The following NPAS3 variants were observed in gnomAD, a reference collection of about 807,000 sequenced individuals.
NPAS3 encodes neuronal PAS domain protein 3.
A neutral mutation model predicts 73.1 loss-of-function variants in NPAS3; 14 were observed. That is an observed-to-expected ratio of 0.19 (90% CI 0.13 to 0.30). The LOEUF (loss-of-function observed/expected upper bound fraction) is 0.30. Ranked by LOEUF, NPAS3 falls within the 10% of genes least tolerant of loss-of-function variation. The pLI, the probability that NPAS3 is intolerant of heterozygous loss-of-function variation, is 1.00. For synonymous variants in NPAS3, 620 were observed against 541.5 expected (o/e 1.14, Z -2.01); for missense variants, 1,096 against 1,250.0 (o/e 0.88, Z 1.86).
intron 4 of NPAS3, among the ~76,000 whole-genome samples, chr14:33,537,093 T>G (rs2054290394): frequency 6.6e-6 from 1 of 152,190 alleles, no homozygotes; most frequent in African/African-American, 2.4e-5. Flanking sequence ...CTGACAGGAA[T>G]GGTAAGTCAA....
chr14:33,167,906 C>T (rs1008907302), intron 2 of NPAS3, among the ~76,000 whole-genome samples: 1 of 152,206 alleles, frequency 6.6e-6, no homozygotes, highest in South Asian at 2.1e-4. Context: ...GTGAATGAGG[C>T]AGCTTTAGGA....
chr14:33,568,506 A>G (rs143340101), intron 5 of NPAS3, among the ~76,000 whole-genome samples: 452 of 152,306 alleles, frequency 3.0e-3, no homozygotes, highest in Non-Finnish European at 5.5e-3. Flanking sequence ...CCTCTACACT[A>G]AAGCCAGCTA....
intron 1 of NPAS3, among the ~76,000 whole-genome samples, chr14:32,941,309 CTCCT>C (rs1226851739): frequency 0.028 from 195 of 6,870 alleles, 4 homozygotes; most frequent in East Asian, 0.095. Flanking sequence ...CCCTCCCTCC[CTCCT>C]TCCTTCCTTC....
At chr14:33,695,107 C>T (rs1191046370) in intron 6 of NPAS3, among the ~76,000 whole-genome samples, 4 of 152,176 alleles carry the variant, frequency 2.6e-5, no homozygotes, top group Non-Finnish European at 4.4e-5. Flanking sequence ...GGTTCTACTG[C>T]GATGACCTCA....
At chr14:32,965,627 C>G (rs1037944260) in intron 1 of NPAS3, among the ~76,000 whole-genome samples, 1 of 152,124 alleles carries the variant, frequency 6.6e-6, no homozygotes, top group African/African-American at 2.4e-5. Context: ...AAATTGAAAC[C>G]TTTCTCTCTA....
At chr14:33,177,356 A>G (rs914743812) in intron 2 of NPAS3, among the ~76,000 whole-genome samples, 2 of 152,074 alleles carry the variant, frequency 1.3e-5, no homozygotes, top group African/African-American at 4.8e-5. Context: ...TCGGCCTCCC[A>G]AAGAGCTGGG....
At chr14:32,989,569 C>T (rs1441328964) in intron 1 of NPAS3, among the ~76,000 whole-genome samples, 1 of 141,848 alleles carries the variant, frequency 7.0e-6, no homozygotes, top group East Asian at 1.9e-4. Context: ...GCGTGAACCC[C>T]AGGGGGCGGA....
intron 4 of NPAS3, among the ~76,000 whole-genome samples, chr14:33,440,575 T>C (rs2049200779): frequency 6.6e-6 from 1 of 152,202 alleles, no homozygotes; most frequent in Non-Finnish European, 1.5e-5. Flanking sequence ...GTGATTCTTT[T>C]CTTACTCCAA....
At chr14:33,181,490 G>C (rs954608127) in intron 2 of NPAS3, among the ~76,000 whole-genome samples, 1 of 152,146 alleles carries the variant, frequency 6.6e-6, no homozygotes, top group Non-Finnish European at 1.5e-5. Flanking sequence ...ATAATTTACT[G>C]TCTTTTGGTT....
chr14:33,481,318 A>G (rs1027694764), intron 4 of NPAS3, among the ~76,000 whole-genome samples: 5 of 152,244 alleles, frequency 3.3e-5, no homozygotes, highest in South Asian at 2.1e-4. Context: ...GGAGTCTATC[A>G]GTGCTGCTCA....
intron 1 of NPAS3, among the ~76,000 whole-genome samples, chr14:32,967,774 G>C (rs905511461): frequency 6.6e-6 from 1 of 151,228 alleles, no homozygotes; most frequent in Non-Finnish European, 1.5e-5. Flanking sequence ...CAGCATGTGG[G>C]GGGGGGTCCT....
At chr14:33,463,830 T>G (rs1461711509) in intron 4 of NPAS3, among the ~76,000 whole-genome samples, 2 of 152,210 alleles carry the variant, frequency 1.3e-5, no homozygotes, top group African/African-American at 4.8e-5. Context: ...GCCACAGTGA[T>G]GTGAGGTGAC....
rs572361659 is a variant in NPAS3, at chr14:33,780,423, A to C, written c.1153+1851A>C. Among the ~76,000 whole-genome samples, 3 of 152,360 alleles carry C rather than the reference A, an allele frequency of 2.0e-5. No homozygotes were observed. In the East Asian group the frequency reaches 5.8e-4, roughly 29 times the overall value. On this transcript the variant is annotated intron_variant, in intron 9 of 11. Transcript: ENST00000356141. ...ATATTTTTGGAATAATACAGGCTAGAGATCCAGACTTCACAAATGAATATA... is the reference window on the plus strand; with the variant it reads ...ATATTTTTGGAATAATACAGGCTAGCGATCCAGACTTCACAAATGAATATA...
At chr14:33,399,544 A>G (rs906113101) in intron 4 of NPAS3, among the ~76,000 whole-genome samples, 1 of 152,114 alleles carries the variant, frequency 6.6e-6, no homozygotes, top group African/African-American at 2.4e-5. Context: ...TTTCCTGTGG[A>G]TAGAAGACCA....
At chr14:33,643,483 G>C (rs1160979358) in intron 5 of NPAS3, among the ~76,000 whole-genome samples, 1 of 151,402 alleles carries the variant, frequency 6.6e-6, no homozygotes, top group South Asian at 2.1e-4. Context: ...ATTCGGATGT[G>C]TCAAAAAGCA....
chr14:33,367,391 T>C (rs2045892844), intron 4 of NPAS3, 123 bp downstream of exon 4: 1 of 548,116 alleles, frequency 1.8e-6, no homozygotes, highest in East Asian at 3.1e-5. Flanking sequence ...GATTTTATCT[T>C]GAAATTCCGA....
chr14:33,468,162 C>G (rs1166152398), intron 4 of NPAS3, among the ~76,000 whole-genome samples: 1 of 152,170 alleles, frequency 6.6e-6, no homozygotes, highest in East Asian at 1.9e-4. Context: ...TTGAATGTAT[C>G]TATAAACTGC....
intron 2 of NPAS3, among the ~76,000 whole-genome samples, chr14:33,117,242 T>A (rs1021004206): frequency 1.3e-5 from 2 of 152,014 alleles, no homozygotes; most frequent in Non-Finnish European, 2.9e-5. Flanking sequence ...TATTTTTGTA[T>A]AATAATCTGG....
At chr14:33,069,659 T>G (rs915605207) in intron 2 of NPAS3, among the ~76,000 whole-genome samples, 2 of 152,220 alleles carry the variant, frequency 1.3e-5, no homozygotes, top group Non-Finnish European at 1.5e-5. Flanking sequence ...GGATTTTCCA[T>G]AGGGATTAAA....
Sources: gnomAD v4.1 joint callset for allele counts (sites outside exome capture counted in the v4.1 genomes callset) on GRCh38, gnomAD v4.1.1 for gene constraint, MANE v1.5 for transcripts, NCBI Gene and HGNC (gene_info 2026-07-23, HGNC 2026-07-21) for gene names.